ARHGEF1: variants seen among roughly 807,000 people sequenced by gnomAD.
The protein encoded by ARHGEF1 is 115 kDa guanine nucleotide exchange factor.
Under a neutral mutation model 119.7 loss-of-function variants are expected in ARHGEF1, and 40 were observed. That is an observed-to-expected ratio of 0.33 (90% CI 0.26 to 0.44). The LOEUF (loss-of-function observed/expected upper bound fraction) is 0.44. Among genes scored for constraint, ARHGEF1 ranks in the 20% least tolerant of loss-of-function variants. ARHGEF1 has a pLI of 1.00. For synonymous variants in ARHGEF1, 494 were observed against 521.0 expected (o/e 0.95, Z 0.71); for missense variants, 976 against 1,268.3 (o/e 0.77, Z 3.50).
chr19:41,915,658 C>T (rs1206004397), intron 18 of ARHGEF1, among the ~76,000 whole-genome samples: 6 of 152,100 alleles, frequency 3.9e-5, no homozygotes, highest in Non-Finnish European at 8.8e-5. Context: ...GCCCCATCTC[C>T]CTGTCTCTGT....
At position 41,902,854 on chromosome 19, in the gene ARHGEF1, T is replaced by C; in HGVS notation, c.1694T>C (p.Leu565Pro). The C allele has an allele frequency of 6.2e-7, 1 of 1,613,158 alleles. No individual in the cohort carries two copies. Among genetic ancestry groups the C allele is most frequent in the Non-Finnish European group, 8.5e-7 (1 of 1,179,938 alleles). Residue 565 changes from leucine (L) to proline (P), a missense_variant, in exon 18 of 29, where the codon CTG (leucine) becomes CCG (proline). Physicochemically the swap from Leu to Pro is moderately conservative, Grantham distance 98 (BLOSUM62 -3). This residue lies in a region of ARHGEF1 where 286 missense variants were observed against 506.8 expected (regional missense o/e 0.56). Transcript: ENST00000354532. This position sits in a 1 kb window ranked among gnomAD's most constrained non-coding sequence, Gnocchi z 6.5. Reference sequence around the variant, plus strand: ...ATGATCCCCACGGAGATGCAGCGGCTGACCAAGTACCCCCTGCTCCTGCAG... The same window carrying C: ...ATGATCCCCACGGAGATGCAGCGGCCGACCAAGTACCCCCTGCTCCTGCAG... ...KDMIPTEMQR[L>P]TKYPLLLQSI...
At chr19:41,908,317 C>T (rs566183997), downstream of ARHGEF1, 451 of 1,231,498 alleles carry the variant, frequency 3.7e-4, 3 homozygotes, top group African/African-American at 6.1e-3. This position sits in a 1 kb window ranked among gnomAD's most constrained non-coding sequence, Gnocchi z 6.7. Flanking sequence ...CAGCCGCTGA[C>T]GTCGGTGATC....
In ARHGEF1 at chr19:41,889,212, G is replaced by A. The variant is rs1290063744; in HGVS notation, c.225+347G>A. 8 of 218,798 alleles carry A rather than the reference G, an allele frequency of 3.7e-5. No individual in the cohort carries two copies. Among genetic ancestry groups the A allele is most frequent in the Admixed American group, 2.6e-4 (5 of 19,132 alleles). 13.6% of individuals were successfully genotyped at this position (218,798 alleles called of 1,614,324 possible). A position where few individuals can be genotyped will look rare whatever the true frequency, so the allele number is the denominator to read the frequency against. ...CATCAGCCTGTGGCAGCACCTTTCCGTGAACTCTAGGGGACCAAATTCTTC... is the reference window on the plus strand; with the variant it reads ...CATCAGCCTGTGGCAGCACCTTTCCATGAACTCTAGGGGACCAAATTCTTC... On this transcript the variant is annotated intron_variant, in intron 4 of 28. Coordinates refer to ENST00000354532, the MANE Select transcript of ARHGEF1 (RefSeq NM_004706.4). This position sits in a 1 kb window ranked among gnomAD's most constrained non-coding sequence, Gnocchi z 4.0.
chr19:41,892,705 TC>T lies in ARHGEF1; in HGVS notation c.472del (p.Arg158ValfsTer8). On this transcript the variant is annotated frameshift_variant, in exon 7 of 29. Coordinates refer to ENST00000354532, the MANE Select transcript of ARHGEF1 (RefSeq NM_004706.4). LOFTEE classifies it high-confidence loss of function. This position sits in a 1 kb window ranked among gnomAD's most constrained non-coding sequence, Gnocchi z 6.3. ...QVAVGRQLEDFRSKRLMGMTP... is the reference protein window; with the variant it reads ...QVAVGRQLEDXRSKRLMGMTP... ...GCCGTGGGCCGGCAGCTGGAGGACT[TC>T]CGTTCCAAGCGGCTCATGGGCATGA... 6.2e-7 allele frequency: 1 copy of T among 1,613,484 alleles called. No homozygotes were observed. The highest frequency in any genetic ancestry group is 2.2e-5 in the East Asian group (1 of 44,874).
rs79911897 is a variant in ARHGEF1 at position 41,896,656 on chromosome 19, C to G, written c.1121+174C>G. On this transcript the variant is annotated intron_variant, in intron 13 of 28. Coordinates refer to ENST00000354532, the MANE Select transcript of ARHGEF1 (RefSeq NM_004706.4). ...CCCTTCTTCTTTCCTTTTCTCATCT[C>G]CCTCCTGCTTCCTCATTGCCCCCCT... The G allele has an allele frequency of 7.5e-3, 5,312 of 706,246 alleles. 192 individuals are homozygous for G. The African/African-American group carries it at 0.079, about 11-fold the overall frequency. 43.7% of individuals were successfully genotyped at this position (706,246 alleles called of 1,614,324 possible).
chr19:41,926,972 C>G lies in ARHGEF1; in HGVS notation c.141-1859C>G, dbSNP rs950328492. On this transcript the variant is annotated intron_variant, in intron 1 of 2. Coordinates refer to the ARHGEF1 transcript ENST00000594417. The stretch of plus-strand genomic sequence containing the variant: ...AGAGAGAGAGAGATAGAAAGAGATG[C>G]CGAGAAAGGAAGAGAGAGAGATAGA... 3.3e-5 allele frequency among the ~76,000 whole-genome samples: 5 copies of G among 150,642 alleles called. No individual in the cohort carries two copies. In the East Asian group the frequency reaches 9.8e-4, roughly 29 times the overall value.
At chr19:41,885,620 C>T (rs2074283112) in intron 1 of ARHGEF1, among the ~76,000 whole-genome samples, 1 of 152,140 alleles carries the variant, frequency 6.6e-6, no homozygotes, top group South Asian at 2.1e-4. Context: ...TGCCACCACG[C>T]CCAGCTAATT....
rs1433832597 is a variant in ARHGEF1 at position 41,914,829 on chromosome 19, C to G, written c.1865+8026C>G. Among the ~76,000 whole-genome samples, 3 of 32,186 alleles carry G rather than the reference C, an allele frequency of 9.3e-5. 1 individual carries two copies. Among genetic ancestry groups the G allele is most frequent in the Non-Finnish European group, 2.8e-4 (3 of 10,848 alleles). 21.1% of individuals were successfully genotyped at this position (32,186 alleles called of 152,430 possible). A position where few individuals can be genotyped will look rare whatever the true frequency, so the allele number is the denominator to read the frequency against. On this transcript the variant is annotated intron_variant, in intron 18 of 20. Transcript: ENST00000599589. ...CCTCCCCCTCCACCGTGTCTCCCCC[C>G]CTTTCCACCGTCTCTGTCTCTCCCC...
Position 41,905,125 on chromosome 19 carries a change from C to T in ARHGEF1, c.2250-50C>T. The T allele has an allele frequency of 1.9e-6, 3 of 1,609,642 alleles. No individual in the cohort carries two copies. The highest frequency in any genetic ancestry group is 1.7e-6 in the Non-Finnish European group (2 of 1,176,004). The stretch of plus-strand genomic sequence containing the variant: ...CAGGAGGGCTGTGGGGAGGCCCTGG[C>T]ATAGGGTCTGGGGGCTCTGACTGCC... On this transcript the variant is annotated intron_variant, in intron 23 of 28. Transcript: ENST00000354532. This position sits in a 1 kb window ranked among gnomAD's most constrained non-coding sequence, Gnocchi z 6.4.
chr19:41,904,976 C>G lies in ARHGEF1; in HGVS notation c.2189C>G (p.Thr730Ser), dbSNP rs2074667126. ...CACAAAGCCTTCTACGTCCTTTTTA[C>G]CTGGGACCAGGAGGCCCAGATATAC... ...TDHKAFYVLFTWDQEAQIYEL... is the reference protein window; with the variant it reads ...TDHKAFYVLFSWDQEAQIYEL... The change falls in exon 23 of 29, where the codon ACC becomes AGC. Residue 730 changes from threonine (T) to serine (S), a missense_variant. Around this residue, in one of 3 missense-constraint regions of ARHGEF1, gnomAD observed 286 missense variants for 506.8 expected, o/e 0.56. Transcript: ENST00000354532. This position sits in a 1 kb window ranked among gnomAD's most constrained non-coding sequence, Gnocchi z 8.4. 1 of 1,614,162 alleles carries G rather than the reference C, an allele frequency of 6.2e-7. No individual in the cohort carries two copies. The highest frequency in any genetic ancestry group is 8.5e-7 in the Non-Finnish European group (1 of 1,179,996).
At chr19:41,897,024 C>G (rs782148536) in intron 13 of ARHGEF1, 1 of 440,026 alleles carries the variant, frequency 2.3e-6, no homozygotes, top group South Asian at 1.6e-5. Flanking sequence ...CCATCCCCCT[C>G]CGATCTCCCT....
upstream of ARHGEF1, among the ~76,000 whole-genome samples, chr19:41,919,006 CACAT>C (rs1470323163): frequency 1.3e-5 from 2 of 151,064 alleles, no homozygotes; most frequent in Non-Finnish European, 3.0e-5. Flanking sequence ...CCACACACAT[CACAT>C]ACACACCATG....
Position 41,894,665 on chromosome 19 carries a change from A to G in ARHGEF1, c.877+4A>G, listed in dbSNP as rs2074447527. The G allele has an allele frequency of 2.5e-6, 4 of 1,613,994 alleles. No individual in the cohort carries two copies. Among genetic ancestry groups the G allele is most frequent in the Non-Finnish European group, 3.4e-6 (4 of 1,179,896 alleles). ...CACCTCAAAGCAGAGGTTGATGGTAATGTACCTGTAGCCATAGCATCCATA... is the reference window on the plus strand; with the variant it reads ...CACCTCAAAGCAGAGGTTGATGGTAGTGTACCTGTAGCCATAGCATCCATA... On this transcript the variant is annotated splice_donor_region_variant and intron_variant, in intron 11 of 28. Coordinates refer to ENST00000354532, the MANE Select transcript of ARHGEF1 (RefSeq NM_004706.4).
At chr19:41,895,127 A>G (rs1200515397) in intron 11 of ARHGEF1, among the ~76,000 whole-genome samples, 13 of 119,414 alleles carry the variant, frequency 1.1e-4, no homozygotes, top group East Asian at 2.6e-4. Flanking sequence ...CTGAGGGAGG[A>G]AGGCCTGGGG....
chr19:41,891,019 G>C (rs2074368568), intron 4 of ARHGEF1, among the ~76,000 whole-genome samples: 1 of 152,150 alleles, frequency 6.6e-6, no homozygotes, highest in South Asian at 2.1e-4. Context: ...AGTCCCCACT[G>C]TCACCCAGAA....
rs2074263797 is a variant in ARHGEF1, at chr19:41,884,504, C to A, written c.-20+1215C>A. ...TTCCACCTGGAGCAGGTGAGGGACG[C>A]GGTCCCCAGCGGGTGTCAGACCCTG... On this transcript the variant is annotated intron_variant, in intron 1 of 28. Transcript: ENST00000354532. 6.2e-7 allele frequency: 1 copy of A among 1,606,484 alleles called. No homozygotes were observed. Among genetic ancestry groups the A allele is most frequent in the Admixed American group, 1.7e-5 (1 of 59,974 alleles).
At chr19:41,910,382 G>A (rs1039784188), downstream of ARHGEF1, among the ~76,000 whole-genome samples, 1 of 152,112 alleles carries the variant, frequency 6.6e-6, no homozygotes, top group African/African-American at 2.4e-5. This position sits in a 1 kb window ranked among gnomAD's most constrained non-coding sequence, Gnocchi z 4.4. Context: ...GAGTTGGGAG[G>A]GACTGGCTTC....
At chr19:41,924,436 A>C (rs1599681414) in intron 1 of ARHGEF1, among the ~76,000 whole-genome samples, 1 of 152,158 alleles carries the variant, frequency 6.6e-6, no homozygotes. Flanking sequence ...GACAAATGAG[A>C]CAATGGGTGT....
rs534481909 is a variant in ARHGEF1 at position 41,896,436 on chromosome 19, T to A, written c.1075T>A (p.Ser359Thr). The change falls in exon 13 of 29, where the codon TCC becomes ACC. Residue 359 changes from serine to threonine, a missense_variant. Ser to Thr is a moderately conservative substitution (Grantham distance 58, BLOSUM62 1). Transcript: ENST00000354532. ...SSPQGPMSLE[S>T]LAPPESTDEG... ...CCCGCAGGGCCCAATGAGCCTGGAG[T>A]CCTTGGCGCCCCCAGAGAGTACCGA... The A allele has an allele frequency of 1.1e-5, 16 of 1,461,190 alleles. No individual in the cohort carries two copies. The South Asian group carries it at 2.3e-4, about 21-fold the overall frequency. The allele number at this position is 1,461,190 out of a possible 1,614,324, so 90.5% of individuals were successfully genotyped here. A position where few individuals can be genotyped will look rare whatever the true frequency, so the allele number is the denominator to read the frequency against.
Sources: allele counts gnomAD v4.1 joint callset (sites outside exome capture counted in the v4.1 genomes callset), GRCh38; gene constraint gnomAD v4.1.1; regional missense constraint gnomAD v4.1.1; non-coding constraint Gnocchi (gnomAD v3.1); transcripts MANE v1.5; gene names NCBI Gene and HGNC (gene_info 2026-07-23, HGNC 2026-07-21).